The following ZC3H12C variants were observed in gnomAD, a reference collection of about 807,000 sequenced individuals.
ZC3H12C encodes probable ribonuclease ZC3H12C.
ZC3H12C carries 20 observed loss-of-function variants against 76.3 expected under a neutral mutation model. That is an observed-to-expected ratio of 0.26 (90% CI 0.18 to 0.38). The LOEUF (loss-of-function observed/expected upper bound fraction) is 0.38. Among genes scored for constraint, ZC3H12C ranks in the 10% least tolerant of loss-of-function variants. The pLI is 1.00. For missense variants in ZC3H12C, 874 were observed against 1,086.5 expected (o/e 0.80, Z 2.75); for synonymous variants, 352 against 399.6 (o/e 0.88, Z 1.42).
chr11:110,159,246 ATTC>A lies in ZC3H12C; in HGVS notation c.914-7_914-5del. 6.3e-7 allele frequency: 1 copy of A among 1,596,918 alleles called. No individual in the cohort carries two copies. Among genetic ancestry groups the A allele is most frequent in the African/African-American group, 1.3e-5 (1 of 74,828 alleles). ...TACTTTCTGCCATCCTACCGTCATT[ATTC>A]TTGCAGATCAGGAAATTTTACGTAA... On this transcript the variant is annotated splice_region_variant and splice_polypyrimidine_tract_variant and intron_variant, in intron 3 of 5. Transcript: ENST00000278590.
At chr11:110,101,515 G>A (rs566223420) in intron 1 of ZC3H12C, among the ~76,000 whole-genome samples, 8 of 151,148 alleles carry the variant, frequency 5.3e-5, no homozygotes, top group Non-Finnish European at 1.2e-4. Context: ...CTACCATTTC[G>A]AAAAATCGTA....
intron 2 of ZC3H12C, among the ~76,000 whole-genome samples, chr11:110,145,809 G>A (rs1327337882): frequency 1.3e-5 from 2 of 152,010 alleles, no homozygotes; most frequent in African/African-American, 4.8e-5. Context: ...AATACCCAGC[G>A]TACAGAATAT....
At chr11:110,127,492 A>G (rs1257768474) in intron 1 of ZC3H12C, among the ~76,000 whole-genome samples, 1 of 152,136 alleles carries the variant, frequency 6.6e-6, no homozygotes, top group Non-Finnish European at 1.5e-5. Flanking sequence ...TCTTTTTTTA[A>G]CACTCAAAAA....
rs1862610374 is a variant in ZC3H12C at position 110,167,930 on chromosome 11, C to G, written c.*2193C>G. On this transcript the variant is annotated 3_prime_UTR_variant, in exon 6 of 6. Transcript: ENST00000278590. The stretch of plus-strand genomic sequence containing the variant: ...TTTAAATGTAGAGGCTAACTCAGTG[C>G]CAAAAACAGGGTTACAAATGTGTAG... 6.6e-6 allele frequency: 1 copy of G among 152,084 alleles called. No homozygotes were observed. Among genetic ancestry groups the G allele is most frequent in the Admixed American group, 6.5e-5 (1 of 15,268 alleles). 9.4% of individuals were successfully genotyped at this position (152,084 alleles called of 1,614,324 possible).
chr11:110,113,165 G>A (rs113787019), intron 1 of ZC3H12C, among the ~76,000 whole-genome samples: 1 of 152,192 alleles, frequency 6.6e-6, no homozygotes, highest in African/African-American at 2.4e-5. Flanking sequence ...TTTAACCTGT[G>A]TTCCATGCTT....
intron 1 of ZC3H12C, among the ~76,000 whole-genome samples, chr11:110,113,169 C>T (rs1180144519): frequency 2.0e-5 from 3 of 152,146 alleles, no homozygotes. Context: ...ACCTGTGTTC[C>T]ATGCTTCTCC....
At chr11:110,124,254 G>A (rs1479505560) in intron 1 of ZC3H12C, 3 of 152,182 alleles carry the variant, frequency 2.0e-5, no homozygotes, top group Non-Finnish European at 2.9e-5. Flanking sequence ...ATGGCCGAGG[G>A]CTCTGATAAA....
In ZC3H12C at chr11:110,164,698, T is replaced by C. The variant is rs1402456947; in HGVS notation, c.1613T>C (p.Leu538Ser). 1 of 1,613,910 alleles carries C rather than the reference T, an allele frequency of 6.2e-7. No individual in the cohort carries two copies. Among genetic ancestry groups the C allele is most frequent in the East Asian group, 2.2e-5 (1 of 44,898 alleles). ...GCAAAACCCCAAAGCACTACATCTT[T>C]AAGCAATGGCCTTCCATCTGGAGTT... ...STAKPQSTTS[L>S]SNGLPSGVHF... The change falls in exon 6 of 6, where the codon TTA (leucine) becomes TCA (serine). Residue 538 changes from leucine (L) to serine (S), a missense_variant. This residue lies in a region of ZC3H12C where 269 missense variants were observed against 424.9 expected (regional missense o/e 0.63). Coordinates refer to ENST00000278590, the MANE Select transcript of ZC3H12C (RefSeq NM_033390.2). The surrounding 1 kb of genome is among the most constrained non-coding windows in gnomAD (Gnocchi z 5.7).
chr11:110,144,308 G>A (rs1001451544), intron 2 of ZC3H12C, among the ~76,000 whole-genome samples: 6 of 152,126 alleles, frequency 3.9e-5, no homozygotes, highest in East Asian at 1.9e-4. Flanking sequence ...AGCATGTGTC[G>A]AAGACTTCGA....
intron 2 of ZC3H12C, among the ~76,000 whole-genome samples, chr11:110,143,375 T>C (rs932585889): frequency 1.3e-5 from 2 of 152,004 alleles, no homozygotes; most frequent in Non-Finnish European, 2.9e-5. Context: ...TTTTTTAGAG[T>C]CCTTTAAAAT....
chr11:110,137,899 G>C (rs1861999442), intron 2 of ZC3H12C, among the ~76,000 whole-genome samples: 1 of 152,018 alleles, frequency 6.6e-6, no homozygotes, highest in Non-Finnish European at 1.5e-5. Flanking sequence ...TTTCATTTAA[G>C]AAATTCAAAT....
rs1018419665 is a variant in ZC3H12C, at chr11:110,107,307, A to G, written c.21+13875A>G. Among the ~76,000 whole-genome samples, 5 of 152,264 alleles carry G rather than the reference A, an allele frequency of 3.3e-5. No individual in the cohort carries two copies. The East Asian group carries it at 5.8e-4, about 18-fold the overall frequency. On this transcript the variant is annotated intron_variant, in intron 1 of 5. Coordinates refer to ENST00000278590, the MANE Select transcript of ZC3H12C (RefSeq NM_033390.2). ...TTTTTATCACTGTTGTTCGTTTTTT[A>G]TGTCATATCTATAAAATATGAGTAA...
At chr11:110,161,212 G>A (rs906893388) in intron 4 of ZC3H12C, among the ~76,000 whole-genome samples, 1 of 152,144 alleles carries the variant, frequency 6.6e-6, no homozygotes, top group African/African-American at 2.4e-5. Flanking sequence ...TTATACGACT[G>A]GGGGCATGGT....
chr11:110,101,607 G>C (rs111577950), intron 1 of ZC3H12C, among the ~76,000 whole-genome samples: 1 of 150,948 alleles, frequency 6.6e-6, no homozygotes, highest in African/African-American at 2.4e-5. Context: ...GAATGCAGTG[G>C]TGCGATCTCA....
chr11:110,128,889 C>CAAAAAAAAAAAA (rs145436449), intron 1 of ZC3H12C, among the ~76,000 whole-genome samples: 1 of 94,168 alleles, frequency 1.1e-5, no homozygotes, highest in Non-Finnish European at 2.2e-5. Context: ...CCACCACTAA[C>CAAAAAAAAAAAA]AAAAAAAAAA....
chr11:110,101,536 G>A (rs1861214299), intron 1 of ZC3H12C, among the ~76,000 whole-genome samples: 1 of 145,098 alleles, frequency 6.9e-6, no homozygotes, highest in African/African-American at 2.6e-5. Context: ...AGGCCCTTGG[G>A]AATCAATGCT....
At chr11:110,113,187 C>T (rs770034654) in intron 1 of ZC3H12C, among the ~76,000 whole-genome samples, 5 of 152,024 alleles carry the variant, frequency 3.3e-5, no homozygotes, top group Non-Finnish European at 7.4e-5. Flanking sequence ...TCCAAAGAGT[C>T]GATAGATAGA....
intron 1 of ZC3H12C, among the ~76,000 whole-genome samples, chr11:110,135,450 G>C (rs1008386348): frequency 1.5e-5 from 2 of 133,856 alleles, no homozygotes; most frequent in African/African-American, 2.9e-5. Flanking sequence ...AGATTACACC[G>C]CTGCACTCCA....
intron 1 of ZC3H12C, chr11:110,136,037 T>C (rs1861953174): frequency 6.6e-6 from 1 of 152,228 alleles, no homozygotes; most frequent in Non-Finnish European, 1.5e-5. Flanking sequence ...ACTCACTTTG[T>C]AATTATTTAA....
Sources: allele counts gnomAD v4.1 joint callset (sites outside exome capture counted in the v4.1 genomes callset), GRCh38; gene constraint gnomAD v4.1.1; regional missense constraint gnomAD v4.1.1; non-coding constraint Gnocchi (gnomAD v3.1); transcripts MANE v1.5; gene names NCBI Gene and HGNC (gene_info 2026-07-23, HGNC 2026-07-21).